GRIN2B: variants seen among roughly 807,000 people sequenced by gnomAD.
GRIN2B encodes the protein glutamate ionotropic receptor NMDA type subunit 2B.
In GRIN2B, 5 loss-of-function variants were observed where a neutral mutation model predicts 114.5. The observed-to-expected ratio is 0.04, with a 90% CI of 0.02 to 0.09. GRIN2B has a LOEUF of 0.09. Among genes scored for constraint, GRIN2B ranks in the 10% least tolerant of loss-of-function variants. The probability of loss-of-function intolerance (pLI) is 1.00; values close to 1 mark genes in which losing one functional copy is unlikely to be tolerated. For synonymous variants in GRIN2B, 787 were observed against 745.1 expected, an observed-to-expected ratio of 1.06 and a Z score of -0.92; for missense variants, 1,108 against 1,943.5, an observed-to-expected ratio of 0.57 and a Z score of 8.08.
intron 4 of GRIN2B, among the ~76,000 whole-genome samples, chr12:13,705,960 C>T (rs1950356358): frequency 6.6e-6 from 1 of 152,060 alleles, no homozygotes; most frequent in African/African-American, 2.4e-5. Flanking sequence ...CAGGAGCAAA[C>T]AAATTAAATT....
intron 10 of GRIN2B, among the ~76,000 whole-genome samples, chr12:13,607,428 A>ATATAATATATAT (rs1331541647): frequency 6.9e-5 from 6 of 86,430 alleles, no homozygotes; most frequent in African/African-American, 3.0e-4. Context: ...TATATATTAT[A>ATATAATATATAT]TATAATATAT....
At chr12:13,781,683 G>A (rs1864117305) in intron 3 of GRIN2B, among the ~76,000 whole-genome samples, 1 of 152,152 alleles carries the variant, frequency 6.6e-6, no homozygotes, top group African/African-American at 2.4e-5. Flanking sequence ...ACTCCAAAGA[G>A]TAGAATATGA....
intron 3 of GRIN2B, among the ~76,000 whole-genome samples, chr12:13,806,709 T>G (rs1234601185): frequency 6.6e-6 from 1 of 152,112 alleles, no homozygotes; most frequent in Non-Finnish European, 1.5e-5. Context: ...GCTGTGCAGA[T>G]ACTCTCTAGT....
intron 5 of GRIN2B, among the ~76,000 whole-genome samples, chr12:13,672,105 A>G (rs1334597207): frequency 6.6e-6 from 1 of 152,102 alleles, no homozygotes; most frequent in Non-Finnish European, 1.5e-5. Flanking sequence ...TGTGTGTTCC[A>G]TCCCTCACCC....
At chr12:13,654,894 G>A (rs1949847386) in intron 5 of GRIN2B, among the ~76,000 whole-genome samples, 1 of 152,066 alleles carries the variant, frequency 6.6e-6, no homozygotes, top group Non-Finnish European at 1.5e-5. Context: ...TTCTGTCTCA[G>A]GTTCTGGCTA....
At chr12:13,758,532 A>G (rs1194488643) in intron 3 of GRIN2B, among the ~76,000 whole-genome samples, 1 of 152,240 alleles carries the variant, frequency 6.6e-6, no homozygotes, top group African/African-American at 2.4e-5. Flanking sequence ...TAAGAAATGC[A>G]TTTGCAAAAA....
rs1948433069 is a variant in GRIN2B, at chr12:13,552,996, C to T, written c.*9787G>A. On this transcript the variant is annotated 3_prime_UTR_variant, in exon 14 of 14. Coordinates refer to ENST00000609686, the MANE Select transcript of GRIN2B (RefSeq NM_000834.5). Reference sequence around the variant, plus strand: ...ATTAGCACACAGTGGCAGAAGATGCCTCCCAAAGGGGAATAATTCATAGCC... The same window carrying T: ...ATTAGCACACAGTGGCAGAAGATGCTTCCCAAAGGGGAATAATTCATAGCC... 6.6e-6 allele frequency: 1 copy of T among 152,146 alleles called. No homozygotes were observed. The highest frequency in any genetic ancestry group is 1.5e-5 in the Non-Finnish European group (1 of 68,030). The allele number at this position is 152,146 out of a possible 1,614,324, so 9.4% of individuals were successfully genotyped here.
intron 2 of GRIN2B, among the ~76,000 whole-genome samples, chr12:13,941,622 A>G (rs991768784): frequency 1.4e-4 from 22 of 152,304 alleles, no homozygotes; most frequent in Non-Finnish European, 7.4e-5. Context: ...GCTGAGGTAG[A>G]TCGGCATAAA....
At chr12:13,924,780 T>C (rs367801211) in intron 2 of GRIN2B, among the ~76,000 whole-genome samples, 2 of 152,204 alleles carry the variant, frequency 1.3e-5, no homozygotes, top group African/African-American at 4.8e-5. Context: ...TCCTCCAAAG[T>C]GTGTAATTTT....
At chr12:13,935,315 A>T (rs1867107016) in intron 2 of GRIN2B, among the ~76,000 whole-genome samples, 1 of 152,192 alleles carries the variant, frequency 6.6e-6, no homozygotes, top group Admixed American at 6.5e-5. Context: ...ACTACTTCAC[A>T]CCAACCTCAG....
chr12:13,806,209 A>T (rs184909006), intron 3 of GRIN2B, among the ~76,000 whole-genome samples: 6 of 152,098 alleles, frequency 3.9e-5, no homozygotes, highest in African/African-American at 1.4e-4. Flanking sequence ...GCTTTTTCTG[A>T]TATACTGGTT....
chr12:13,667,183 G>A (rs1949984618), intron 5 of GRIN2B, among the ~76,000 whole-genome samples: 1 of 152,076 alleles, frequency 6.6e-6, no homozygotes, highest in African/African-American at 2.4e-5. Context: ...AGACAGACAT[G>A]GAACACATGG....
intron 2 of GRIN2B, chr12:13,977,522 G>C (rs766679223): frequency 6.6e-6 from 1 of 152,132 alleles, no homozygotes; most frequent in African/African-American, 2.4e-5. Flanking sequence ...TTTCTTAATT[G>C]CACATCATGG....
intron 3 of GRIN2B, among the ~76,000 whole-genome samples, chr12:13,854,580 T>A (rs1865627797): frequency 6.6e-6 from 1 of 151,858 alleles, no homozygotes; most frequent in Admixed American, 6.6e-5. Flanking sequence ...AGGGAAACAC[T>A]AGTGCTAAAA....
chr12:13,563,314 C>A lies in GRIN2B; in HGVS notation c.3924G>T (p.Val1308=), dbSNP rs199688138. The change falls in exon 14 of 14, where the codon GTG becomes GTT. Residue 1308 remains valine (V), a synonymous_variant. Transcript: ENST00000609686. The part of the protein sequence containing the change: ...LRRQHSYDTF[V]DLQKEEAALA... ...GGGCGGCTTCTTCCTTCTGCAGGTC[C>A]ACGAAGGTGTCGTAGGAGTGCTGCC... is the stretch of plus-strand genomic sequence containing the variant. 6.2e-7 allele frequency: 1 copy of A among 1,614,200 alleles called. No homozygotes were observed. Among genetic ancestry groups the A allele is most frequent in the African/African-American group, 1.3e-5 (1 of 75,054 alleles).
chr12:13,919,156 C>G (rs1386492184), intron 2 of GRIN2B, among the ~76,000 whole-genome samples: 2 of 152,152 alleles, frequency 1.3e-5, no homozygotes, highest in Admixed American at 1.3e-4. Flanking sequence ...ATAACCAAAC[C>G]TTCCCACAAA....
chr12:13,702,535 A>T (rs1021944904), intron 4 of GRIN2B, among the ~76,000 whole-genome samples: 5 of 152,210 alleles, frequency 3.3e-5, no homozygotes, highest in African/African-American at 1.2e-4. Flanking sequence ...CTAAACCAGG[A>T]AGCACAGCTG....
At chr12:13,718,834 A>G (rs1008979492) in intron 4 of GRIN2B, among the ~76,000 whole-genome samples, 2 of 152,082 alleles carry the variant, frequency 1.3e-5, no homozygotes, top group African/African-American at 4.8e-5. Context: ...TTCACGCTGT[A>G]AGTAGAAACA....
In GRIN2B at chr12:13,679,919, G is replaced by C. The variant is rs939171734; in HGVS notation, c.1011-4060C>G. Among the ~76,000 whole-genome samples, 6 of 152,104 alleles carry C rather than the reference G, an allele frequency of 3.9e-5. No individual in the cohort carries two copies. The East Asian group carries it at 9.6e-4, about 24-fold the overall frequency. On this transcript the variant is annotated intron_variant, in intron 4 of 13. Transcript: ENST00000609686. The stretch of plus-strand genomic sequence containing the variant: ...AGTCTGTTGTGATGACCAAATGAAA[G>C]AGTGGATAGGAAAACTATATAAAAT...
Sources: allele counts gnomAD v4.1 joint callset (sites outside exome capture counted in the v4.1 genomes callset), GRCh38; gene constraint gnomAD v4.1.1; transcripts MANE v1.5; gene names NCBI Gene and HGNC (gene_info 2026-07-23, HGNC 2026-07-21).